The following TSPAN9 variants were observed in gnomAD, a reference collection of about 807,000 sequenced individuals.
TSPAN9 encodes tetraspanin-9.
In TSPAN9, 16 loss-of-function variants were observed where a neutral mutation model predicts 31.0. That is an observed-to-expected ratio of 0.52 (90% CI 0.35 to 0.78). The LOEUF (loss-of-function observed/expected upper bound fraction) is 0.78. Ranked by LOEUF, TSPAN9 falls within the 30% of genes least tolerant of loss-of-function variation. TSPAN9 has a pLI of 0.01. For missense variants in TSPAN9, 272 were observed against 312.5 expected, an observed-to-expected ratio of 0.87 and a Z score of 0.98; for synonymous variants, 145 against 121.6, an observed-to-expected ratio of 1.19 and a Z score of -1.27.
In TSPAN9 at chr12:3,161,772, A is replaced by AATCTATCT. The variant is rs79768137; in HGVS notation, c.-17-39368_-17-39361dup. 4.9e-3 allele frequency among the ~76,000 whole-genome samples: 738 copies of AATCTATCT among 150,344 alleles called. 7 individuals carry two copies. The highest frequency in any genetic ancestry group is 0.021 in the Middle Eastern group (6 of 292). On this transcript the variant is annotated intron_variant, in intron 2 of 8. Coordinates refer to ENST00000011898, the MANE Select transcript of TSPAN9 (RefSeq NM_006675.5). ...TTGTCCTCTCCAAATCTTGGGTTGA[A>AATCTATCT]ATCTATCTATCTATCTATCTATCTA...
chr12:3,214,696 G>A (rs567238112), intron 3 of TSPAN9, among the ~76,000 whole-genome samples: 315 of 152,172 alleles, frequency 2.1e-3, no homozygotes, highest in Non-Finnish European at 3.8e-3. Context: ...GGGCCTTCAC[G>A]CCCTCTAAGC....
At chr12:3,109,208 T>C (rs912868663) in intron 2 of TSPAN9, among the ~76,000 whole-genome samples, 3 of 150,424 alleles carry the variant, frequency 2.0e-5, no homozygotes, top group Non-Finnish European at 3.0e-5. Context: ...AGTGCTGGGA[T>C]TACAGGTGTG....
intron 1 of TSPAN9, among the ~76,000 whole-genome samples, chr12:3,083,225 G>A (rs1034268255): frequency 2.0e-5 from 3 of 152,168 alleles, no homozygotes; most frequent in African/African-American, 4.8e-5. Flanking sequence ...CATAGCGTAC[G>A]CGATGCAAAC....
At chr12:3,274,072 C>T (rs768736361) in intron 3 of TSPAN9, among the ~76,000 whole-genome samples, 12 of 152,202 alleles carry the variant, frequency 7.9e-5, no homozygotes, top group Non-Finnish European at 1.3e-4. Flanking sequence ...ACTCTATTGA[C>T]AATTGGGGCC....
At position 3,137,973 on chromosome 12, in the gene TSPAN9, G is replaced by A. The variant is rs58547212; in HGVS notation, c.-18+54254G>A. On this transcript the variant is annotated intron_variant, in intron 2 of 8. Transcript: ENST00000011898. ...TGGCTTTGAGCCTCCGAGGAAGGTCGTGTGAGGAGTCGGGTGTCTGGGTCC... is the reference window on the plus strand; with the variant it reads ...TGGCTTTGAGCCTCCGAGGAAGGTCATGTGAGGAGTCGGGTGTCTGGGTCC... Among the ~76,000 whole-genome samples, 995 of 152,278 alleles carry A rather than the reference G, an allele frequency of 6.5e-3. 7 individuals are homozygous for A. The highest frequency in any genetic ancestry group is 0.019 in the African/African-American group (776 of 41,544).
chr12:3,269,343 T>C (rs1484379598), intron 3 of TSPAN9, among the ~76,000 whole-genome samples: 1 of 35,174 alleles, frequency 2.8e-5, no homozygotes, highest in Non-Finnish European at 6.3e-5. Context: ...GCCCTCCCTG[T>C]GTTCCTGCAG....
At chr12:3,209,962 A>C (rs1408169307) in intron 3 of TSPAN9, among the ~76,000 whole-genome samples, 151 of 60,754 alleles carry the variant, frequency 2.5e-3, no homozygotes, top group African/African-American at 7.7e-3. Context: ...CTGTCCCAAA[A>C]AAAAAAAAAA....
chr12:3,094,257 A>G (rs1591624235), intron 2 of TSPAN9, among the ~76,000 whole-genome samples: 1 of 152,124 alleles, frequency 6.6e-6, no homozygotes, highest in East Asian at 1.9e-4. Flanking sequence ...TGGAGATGAA[A>G]TCTAAGAGGT....
rs554842027 is a variant in TSPAN9 at position 3,244,444 on chromosome 12, G to A, written c.64-33977G>A. 3.7e-4 allele frequency among the ~76,000 whole-genome samples: 56 copies of A among 152,312 alleles called. No individual in the cohort carries two copies. In the East Asian group the frequency reaches 4.3e-3, roughly 12 times the overall value. On this transcript the variant is annotated intron_variant, in intron 3 of 8. Transcript: ENST00000011898. ...GCCATGTCCTTATTCTCTGCCAGCCGCAGCCCTGGAGCCAGGTCCCAGCCC... is the reference window on the plus strand; with the variant it reads ...GCCATGTCCTTATTCTCTGCCAGCCACAGCCCTGGAGCCAGGTCCCAGCCC...
At chr12:3,189,661 T>C (rs1445938840) in intron 2 of TSPAN9, among the ~76,000 whole-genome samples, 1 of 152,152 alleles carries the variant, frequency 6.6e-6, no homozygotes, top group Non-Finnish European at 1.5e-5. Flanking sequence ...TTGTGACTAT[T>C]TTCACCTCAA....
intron 3 of TSPAN9, chr12:3,211,556 A>G (rs2098378714): frequency 8.6e-6 from 8 of 927,702 alleles, no homozygotes; most frequent in Admixed American, 2.7e-5. Flanking sequence ...TTGACCTTTC[A>G]TTGAATTCAT....
At chr12:3,191,128 G>C (rs1184447269) in intron 2 of TSPAN9, among the ~76,000 whole-genome samples, 2 of 152,166 alleles carry the variant, frequency 1.3e-5, no homozygotes, top group Non-Finnish European at 2.9e-5. Context: ...CCAGTGCAAA[G>C]GCCAGGGGAT....
chr12:3,246,680 C>G (rs1254378635), intron 3 of TSPAN9, among the ~76,000 whole-genome samples: 1 of 152,168 alleles, frequency 6.6e-6, no homozygotes, highest in Non-Finnish European at 1.5e-5. Flanking sequence ...ATTCCTGGGC[C>G]TAATAATAGC....
chr12:3,150,992 A>T (rs975343848), intron 2 of TSPAN9: 1 of 152,222 alleles, frequency 6.6e-6, no homozygotes, highest in African/African-American at 2.4e-5. Context: ...CAGCGTCCCC[A>T]GCCTCCAGCC....
chr12:3,213,908 G>T (rs1415657860), intron 3 of TSPAN9, among the ~76,000 whole-genome samples: 1 of 152,218 alleles, frequency 6.6e-6, no homozygotes, highest in Non-Finnish European at 1.5e-5. Flanking sequence ...CATGCATCCT[G>T]CATTTCCTCC....
chr12:3,268,538 C>G (rs1173672719), intron 3 of TSPAN9, among the ~76,000 whole-genome samples: 5 of 108,100 alleles, frequency 4.6e-5, no homozygotes, highest in South Asian at 3.8e-4. Context: ...CCTGCCCTCT[C>G]TGTGTTCCTG....
chr12:3,185,196 T>C (rs1427851159), intron 2 of TSPAN9, among the ~76,000 whole-genome samples: 1 of 152,162 alleles, frequency 6.6e-6, no homozygotes, highest in African/African-American at 2.4e-5. Context: ...GCACAGTCAC[T>C]GAGGGGAGAC....
intron 3 of TSPAN9, among the ~76,000 whole-genome samples, chr12:3,203,577 T>G (rs1049895339): frequency 2.0e-5 from 3 of 152,236 alleles, no homozygotes; most frequent in African/African-American, 7.2e-5. Flanking sequence ...ACTGATTACA[T>G]TCTCTTTACC....
chr12:3,209,991 C>A lies in TSPAN9; in HGVS notation c.63+8735C>A, dbSNP rs2098377655. Among the ~76,000 whole-genome samples the A allele has an allele frequency of 3.7e-5, 4 of 108,040 alleles. 1 individual carries two copies. The highest frequency in any genetic ancestry group is 3.9e-5 in the Non-Finnish European group (2 of 50,990). 70.9% of individuals were successfully genotyped at this position (108,040 alleles called of 152,430 possible). Reference sequence around the variant, plus strand: ...AAAAAAAAAAAAAAAAAAAAATTAGCCGGGTGTGGTGGCGGGTGCCTGTAG... The same window carrying A: ...AAAAAAAAAAAAAAAAAAAAATTAGACGGGTGTGGTGGCGGGTGCCTGTAG... On this transcript the variant is annotated intron_variant, in intron 3 of 8. Transcript: ENST00000011898.
Sources: gnomAD v4.1 joint callset for allele counts (sites outside exome capture counted in the v4.1 genomes callset) on GRCh38, gnomAD v4.1.1 for gene constraint, MANE v1.5 for transcripts, NCBI Gene and HGNC (gene_info 2026-07-23, HGNC 2026-07-21) for gene names.